Variants in C1orf21 observed in about 807,000 individuals in gnomAD.
The protein encoded by C1orf21 is chromosome 1 open reading frame 21.
A neutral mutation model predicts 18.7 loss-of-function variants in C1orf21; 3 were observed. The observed-to-expected ratio is 0.16, with a 90% CI of 0.07 to 0.42. The LOEUF is 0.42. Among genes scored for constraint, C1orf21 ranks in the 10% least tolerant of loss-of-function variants. The probability of loss-of-function intolerance (pLI) is 0.99; values close to 1 mark genes in which losing one functional copy is unlikely to be tolerated. For synonymous variants in C1orf21, 41 were observed against 46.4 expected, an observed-to-expected ratio of 0.88 and a Z score of 0.47; for missense variants, 104 against 143.6, an observed-to-expected ratio of 0.72 and a Z score of 1.41.
At chr1:184,534,711 T>C (rs1271309642) in intron 3 of C1orf21, among the ~76,000 whole-genome samples, 1 of 152,118 alleles carries the variant, frequency 6.6e-6, no homozygotes, top group Non-Finnish European at 1.5e-5. Flanking sequence ...ATCCCTCCCT[T>C]TGAGGTGCTC....
intron 3 of C1orf21, among the ~76,000 whole-genome samples, chr1:184,550,831 C>G (rs1383580276): frequency 6.6e-6 from 1 of 152,140 alleles, no homozygotes; most frequent in Non-Finnish European, 1.5e-5. Context: ...GTTGCCGCAC[C>G]AGGCTGTCTT....
chr1:184,399,067 C>T (rs570137293), intron 1 of C1orf21, among the ~76,000 whole-genome samples: 1 of 152,018 alleles, frequency 6.6e-6, no homozygotes, highest in African/African-American at 2.4e-5. Context: ...TACTTTTTTG[C>T]GTTTTTGGGA....
intron 3 of C1orf21, among the ~76,000 whole-genome samples, chr1:184,588,918 C>T (rs1481932871): frequency 6.6e-6 from 1 of 152,128 alleles, no homozygotes; most frequent in Admixed American, 6.5e-5. Context: ...TTACTGAGGG[C>T]CGGCTTCTTC....
chr1:184,584,035 C>T (rs754817017), intron 3 of C1orf21, among the ~76,000 whole-genome samples: 1 of 151,988 alleles, frequency 6.6e-6, no homozygotes, highest in African/African-American at 2.4e-5. Context: ...CTGCTTTATC[C>T]GAGCTGCTGC....
intron 2 of C1orf21, among the ~76,000 whole-genome samples, chr1:184,481,846 T>G (rs971264137): frequency 5.3e-5 from 8 of 152,156 alleles, no homozygotes; most frequent in African/African-American, 1.9e-4. Context: ...GGGGGAAGAA[T>G]TACCAGAATC....
intron 1 of C1orf21, among the ~76,000 whole-genome samples, chr1:184,388,276 T>G (rs1281970132): frequency 6.6e-6 from 1 of 152,206 alleles, no homozygotes; most frequent in Non-Finnish European, 1.5e-5. Flanking sequence ...TTTGGGGTGG[T>G]CCTCTTTGCT....
intron 1 of C1orf21, among the ~76,000 whole-genome samples, chr1:184,425,454 G>T (rs1354399019): frequency 8.6e-5 from 13 of 151,864 alleles, no homozygotes; most frequent in African/African-American, 4.8e-5. Context: ...TAGAGACGAG[G>T]TCTCTCTGTG....
chr1:184,397,244 G>A (rs1413453531), intron 1 of C1orf21, among the ~76,000 whole-genome samples: 2 of 152,148 alleles, frequency 1.3e-5, no homozygotes, highest in Admixed American at 6.5e-5. Context: ...ATAGATGTGG[G>A]AACGTTTATT....
chr1:184,494,831 GT>G (rs1487408749), intron 2 of C1orf21, among the ~76,000 whole-genome samples: 1 of 148,618 alleles, frequency 6.7e-6, no homozygotes, highest in East Asian at 2.0e-4. Context: ...CTACATTAAT[GT>G]TTTTTGCTTT....
At chr1:184,551,337 C>G (rs1658809702) in intron 3 of C1orf21, among the ~76,000 whole-genome samples, 2 of 151,946 alleles carry the variant, frequency 1.3e-5, no homozygotes, top group Non-Finnish European at 1.5e-5. Context: ...TGGAAGAAAC[C>G]ACAAGGGAAA....
At chr1:184,476,258 A>T (rs1223975705) in intron 1 of C1orf21, among the ~76,000 whole-genome samples, 5 of 152,112 alleles carry the variant, frequency 3.3e-5, no homozygotes. Flanking sequence ...AAACTTGAGA[A>T]ACTTCCACTG....
chr1:184,586,472 A>G (rs1191756720), intron 3 of C1orf21, among the ~76,000 whole-genome samples: 1 of 151,528 alleles, frequency 6.6e-6, no homozygotes, highest in Non-Finnish European at 1.5e-5. Context: ...TTTAGTAGAG[A>G]CGGGGTTTCA....
chr1:184,591,129 T>A (rs1244570723), intron 4 of C1orf21, among the ~76,000 whole-genome samples: 4 of 152,166 alleles, frequency 2.6e-5, no homozygotes, highest in Non-Finnish European at 5.9e-5. Context: ...GATTTTGTTA[T>A]CTATCTGCAG....
chr1:184,533,088 C>T (rs1262375691), intron 3 of C1orf21, among the ~76,000 whole-genome samples: 1 of 152,052 alleles, frequency 6.6e-6, no homozygotes, highest in Non-Finnish European at 1.5e-5. Context: ...CTTCCTGCTG[C>T]TCCCGGGTAA....
intron 1 of C1orf21, among the ~76,000 whole-genome samples, chr1:184,444,290 A>G (rs1258145396): frequency 6.6e-6 from 1 of 152,158 alleles, no homozygotes; most frequent in Non-Finnish European, 1.5e-5. Flanking sequence ...CTCATTTTGA[A>G]TTGTACTCCC....
At chr1:184,531,385 C>T (rs1658460911) in intron 3 of C1orf21, among the ~76,000 whole-genome samples, 1 of 152,172 alleles carries the variant, frequency 6.6e-6, no homozygotes, top group African/African-American at 2.4e-5. Context: ...TTCTGATTCA[C>T]TAGCCCAGTT....
intron 1 of C1orf21, among the ~76,000 whole-genome samples, chr1:184,453,424 A>G (rs940599459): frequency 6.6e-6 from 1 of 152,182 alleles, no homozygotes; most frequent in African/African-American, 2.4e-5. Flanking sequence ...ACTGACGAAT[A>G]TACAATTTAG....
At chr1:184,403,390 A>G (rs746913155) in intron 1 of C1orf21, among the ~76,000 whole-genome samples, 1 of 152,228 alleles carries the variant, frequency 6.6e-6, no homozygotes, top group African/African-American at 2.4e-5. Context: ...AAAGTAATAT[A>G]TTGTTTAAAG....
chr1:184,447,623 C>T (rs1310104883), intron 1 of C1orf21, among the ~76,000 whole-genome samples: 1 of 152,196 alleles, frequency 6.6e-6, no homozygotes, highest in Non-Finnish European at 1.5e-5. Flanking sequence ...ACCTAAACAT[C>T]TACATCTAAA....
Sources: gnomAD v4.1 joint callset for allele counts (sites outside exome capture counted in the v4.1 genomes callset) on GRCh38, gnomAD v4.1.1 for gene constraint, MANE v1.5 for transcripts, NCBI Gene and HGNC (gene_info 2026-07-23, HGNC 2026-07-21) for gene names.